The following REN variants were observed in gnomAD, a reference collection of about 807,000 sequenced individuals.
REN encodes renin, also known as angiotensin-forming enzyme.
In REN, 42 loss-of-function variants were observed where a neutral mutation model predicts 48.6. The ratio of observed to expected loss-of-function variants is 0.86; its 90% confidence interval spans 0.68 to 1.12. REN has a LOEUF of 1.12. Among genes scored for constraint, REN ranks in the 50% most tolerant of loss-of-function variants. The probability of loss-of-function intolerance (pLI) is 0.00; values close to 1 mark genes in which losing one functional copy is unlikely to be tolerated. For missense variants in REN, 443 were observed against 527.3 expected (o/e 0.84, Z 1.57); for synonymous variants, 196 against 204.6 (o/e 0.96, Z 0.36).
At chr1:204,160,813 T>A in intron 3 of REN, 135 bp from the exon 4 acceptor site, 1 of 772,628 alleles carries the variant, frequency 1.3e-6, no homozygotes, top group East Asian at 2.4e-5. Flanking sequence ...GGGCTTGGAA[T>A]ATGTGCTTCA....
At position 204,159,466 on chromosome 1, in the gene REN, G is replaced by A. The variant is rs544315427; in HGVS notation, c.622C>T (p.Pro208Ser). The change falls in exon 5 of 10, where the codon CCT (proline) becomes TCT (serine). Residue 208 changes from proline (P) to serine (S), a missense_variant. Pro to Ser is a moderately conservative substitution (Grantham distance 74). Transcript: ENST00000272190. ...TGGGAGATGATGTTGTCGAAGATAG[G>A]GGTGACCCTGCCAATGGCCTGTTCA... ...FIEQAIGRVT[P>S]IFDNIISQGV... The A allele has an allele frequency of 8.1e-6, 13 of 1,614,118 alleles. No individual in the cohort carries two copies. The South Asian group carries it at 1.3e-4, about 16-fold the overall frequency.
rs373884096 is a variant in REN, at chr1:204,160,559, C to G, written c.492+1G>C. On this transcript the variant is annotated splice_donor_variant, in intron 4 of 9. Coordinates refer to ENST00000272190, the MANE Select transcript of REN (RefSeq NM_000537.4). LOFTEE classifies it high-confidence loss of function. ...AGATGACCTAGGGCGGCCCAACTTA[C>G]GGTGATGATGTCCTGGCTGAGAAAG... 1 of 1,609,400 alleles carries G rather than the reference C, an allele frequency of 6.2e-7. No individual in the cohort carries two copies. Among genetic ancestry groups the G allele is most frequent in the African/African-American group, 1.3e-5 (1 of 74,928 alleles).
Position 204,155,918 on chromosome 1 carries a change from A to C in REN, c.961T>G (p.Tyr321Asp). Residue 321 changes from tyrosine to aspartate, a missense_variant and splice_region_variant, in exon 9 of 10, where the codon TAT becomes GAT. Physicochemically the swap from Tyr to Asp is radical, Grantham distance 160 (BLOSUM62 -3). Transcript: ENST00000272190. Reference protein sequence around the residue: ...ALGAKKRLFDYVVKCNEGPTL... With the variant: ...ALGAKKRLFDDVVKCNEGPTL... ...GGGCCCTCGTTACACTTCACGACAT[A>C]CTGGGGTGGGGGGCAAAGAGAGCCT... 1 of 1,612,366 alleles carries C rather than the reference A, an allele frequency of 6.2e-7. No individual in the cohort carries two copies. The highest frequency in any genetic ancestry group is 8.5e-7 in the Non-Finnish European group (1 of 1,178,794).
chr1:204,161,911 T>C (rs1047391094), intron 2 of REN, 102 bp downstream of exon 2: 3 of 1,496,288 alleles, frequency 2.0e-6, no homozygotes, highest in Middle Eastern at 2.2e-4. Flanking sequence ...AGCGCCTTCG[T>C]CAAACACAGC....
At chr1:204,158,864 C>T (rs939320108) in intron 5 of REN, among the ~76,000 whole-genome samples, 6 of 152,148 alleles carry the variant, frequency 3.9e-5, no homozygotes, top group Non-Finnish European at 8.8e-5. Flanking sequence ...ACTGCTGCAC[C>T]CCCAGAGCCT....
Position 204,156,142 on chromosome 1 carries a change from C to G in REN, c.960+36G>C, listed in dbSNP as rs1203590793. On this transcript the variant is annotated intron_variant, in intron 8 of 9. Transcript: ENST00000272190. This position sits in a 1 kb window ranked among gnomAD's most constrained non-coding sequence, Gnocchi z 4.2. ...GTGAGCCGATACCAGGTGGCGCTCC[C>G]CCCACCCACAGCACCTTCCCTCTTT... 6.2e-7 allele frequency: 1 copy of G among 1,613,934 alleles called. No individual in the cohort carries two copies. Among genetic ancestry groups the G allele is most frequent in the South Asian group, 1.1e-5 (1 of 91,048 alleles).
In REN at chr1:204,155,264, A is replaced by G. The variant is rs77960063; in HGVS notation, c.1060-87T>C. The stretch of plus-strand genomic sequence containing the variant: ...CTGACCCCCAGCAACTGTCTTCAGC[A>G]ACATTCCCCCTCTCGCCCCCATCTC... On this transcript the variant is annotated intron_variant, in intron 9 of 9. Coordinates refer to ENST00000272190, the MANE Select transcript of REN (RefSeq NM_000537.4). 1.2e-3 allele frequency: 1,745 copies of G among 1,486,942 alleles called. 21 individuals are homozygous for G. The African/African-American group carries it at 0.022, about 19-fold the overall frequency. The allele number at this position is 1,486,942 out of a possible 1,614,324, so 92.1% of individuals were successfully genotyped here.
intron 5 of REN, among the ~76,000 whole-genome samples, chr1:204,158,099 A>ACCCCCC (rs60405376): frequency 7.0e-6 from 1 of 142,970 alleles, no homozygotes; most frequent in African/African-American, 2.6e-5. Flanking sequence ...TCTGGATCTC[A>ACCCCCC]CCCCCCACGC....
At chr1:204,161,007 G>A (rs1185511249) in intron 3 of REN, among the ~76,000 whole-genome samples, 1 of 152,206 alleles carries the variant, frequency 6.6e-6, no homozygotes, top group Non-Finnish European at 1.5e-5. Flanking sequence ...CCGAGTGCCT[G>A]GGATGGGTTT....
In REN at chr1:204,155,813, A is replaced by G; in HGVS notation, c.1059+7T>C. On this transcript the variant is annotated splice_region_variant and intron_variant, in intron 9 of 9. Transcript: ENST00000272190. Reference sequence around the variant, plus strand: ...CCTGCCACCGAGGGGGCCGACTCGAACCTCACCTGAAATACATAGTCCGCG... The same window carrying G: ...CCTGCCACCGAGGGGGCCGACTCGAGCCTCACCTGAAATACATAGTCCGCG... 2 of 1,611,692 alleles carry G rather than the reference A, an allele frequency of 1.2e-6. No homozygotes were observed. Among genetic ancestry groups the G allele is most frequent in the East Asian group, 2.2e-5 (1 of 44,870 alleles).
chr1:204,162,240 C>A, intron 1 of REN, 77 bp from the exon 2 acceptor site: 1 of 1,536,788 alleles, frequency 6.5e-7, no homozygotes, highest in Non-Finnish European at 8.9e-7. Context: ...GAGGCCAAAC[C>A]CCTGCTTTTA....
chr1:204,166,121 T>C, intron 1 of REN, 75 bp downstream of exon 1: 2 of 1,246,438 alleles, frequency 1.6e-6, no homozygotes, highest in Non-Finnish European at 2.4e-6. Context: ...ACACCGCATG[T>C]GGAAAAGCCA....
rs756489224 is a variant in REN at position 204,156,810 on chromosome 1, C to G, written c.699-14G>C. The stretch of plus-strand genomic sequence containing the variant: ...GATTGGGAATTCCTAAAGGAAAGAT[C>G]AGAAGCTCTTGGAAACCCATAACCT... On this transcript the variant is annotated splice_polypyrimidine_tract_variant and intron_variant, in intron 6 of 9. Coordinates refer to ENST00000272190, the MANE Select transcript of REN (RefSeq NM_000537.4). The surrounding 1 kb of genome is among the most constrained non-coding windows in gnomAD (Gnocchi z 4.2). The G allele has an allele frequency of 3.7e-6, 6 of 1,613,686 alleles. No individual in the cohort carries two copies. The highest frequency in any genetic ancestry group is 1.7e-5 in the Admixed American group (1 of 60,020).
chr1:204,161,237 C>T lies in REN; in HGVS notation c.373+55G>A, dbSNP rs552450818. The T allele has an allele frequency of 2.0e-6, 3 of 1,537,682 alleles. No individual in the cohort carries two copies. In the Admixed American group the frequency reaches 5.8e-5, roughly 30 times the overall value. On this transcript the variant is annotated intron_variant, in intron 3 of 9. Transcript: ENST00000272190. ...GAGCTGGGTGTTGGGCAGGATTGCT[C>T]ATGCACAGTAGGGCAGGGGGATGGA... is the stretch of plus-strand genomic sequence containing the variant.
At chr1:204,161,202 A>G in intron 3 of REN, 90 bp downstream of exon 3, 2 of 1,415,146 alleles carry the variant, frequency 1.4e-6, no homozygotes, top group Middle Eastern at 1.9e-4. Flanking sequence ...CTTGGTGGCA[A>G]GAGGGATGGG....
chr1:204,154,831 G>T lies in REN; in HGVS notation c.*185C>A. 1 of 678,612 alleles carries T rather than the reference G, an allele frequency of 1.5e-6. No homozygotes were observed. The highest frequency in any genetic ancestry group is 2.6e-6 in the Non-Finnish European group (1 of 389,316). The allele number at this position is 678,612 out of a possible 1,614,324, so 42.0% of individuals were successfully genotyped here. ...AGATGCAACAGGCTGTGAACATGAAGTCTTTATTCTCTTTGTCCTCAAAGC... is the reference window on the plus strand; with the variant it reads ...AGATGCAACAGGCTGTGAACATGAATTCTTTATTCTCTTTGTCCTCAAAGC... On this transcript the variant is annotated 3_prime_UTR_variant, in exon 10 of 10. Transcript: ENST00000272190.
rs1409715151 is a variant in REN at position 204,161,345 on chromosome 1, G to A, written c.320C>T (p.Ser107Leu). 3.1e-6 allele frequency: 5 copies of A among 1,608,872 alleles called. No individual in the cohort carries two copies. The highest frequency in any genetic ancestry group is 2.7e-5 in the African/African-American group (2 of 74,808). Residue 107 changes from serine to leucine, a missense_variant, in exon 3 of 10, where the codon TCG (serine) becomes TTG (leucine). Ser to Leu is a moderately radical substitution (Grantham distance 145). Transcript: ENST00000272190. Reference protein sequence around the residue: ...QTFKVVFDTGSSNVWVPSSKC... With the variant: ...QTFKVVFDTGLSNVWVPSSKC... ...GGAGGAGGGCACCCAAACATTGGAC[G>A]AACCAGTGTCAAAGACGACTTTGAA... is the stretch of plus-strand genomic sequence containing the variant.
rs945744115 is a variant in REN, at chr1:204,156,963, A to T, written c.699-167T>A. ...GAGCTGTCGTTGGGAAGCATGCAGA[A>T]CATACTGCTTCTCTGCCTTTCTTCC... On this transcript the variant is annotated intron_variant, in intron 6 of 9. Transcript: ENST00000272190. This position sits in a 1 kb window ranked among gnomAD's most constrained non-coding sequence, Gnocchi z 4.2. Among the ~76,000 whole-genome samples, 3 of 152,164 alleles carry T rather than the reference A, an allele frequency of 2.0e-5. No individual in the cohort carries two copies. Among genetic ancestry groups the T allele is most frequent in the Non-Finnish European group, 4.4e-5 (3 of 68,028 alleles).
At chr1:204,165,944 C>T (rs762912141) in intron 1 of REN, among the ~76,000 whole-genome samples, 6 of 152,144 alleles carry the variant, frequency 3.9e-5, no homozygotes, top group Non-Finnish European at 7.3e-5. Context: ...GGGGCATGTC[C>T]TAATACTTCT....
Sources: allele counts gnomAD v4.1 joint callset (sites outside exome capture counted in the v4.1 genomes callset), GRCh38; gene constraint gnomAD v4.1.1; non-coding constraint Gnocchi (gnomAD v3.1); transcripts MANE v1.5; gene names NCBI Gene and HGNC (gene_info 2026-07-23, HGNC 2026-07-21).